Variants in ESCO2 observed in about 807,000 individuals in gnomAD.
ESCO2 encodes N-acetyltransferase ESCO2.
ESCO2 carries 51 observed loss-of-function variants against 61.7 expected under a neutral mutation model. The observed-to-expected ratio is 0.83, with a 90% CI of 0.66 to 1.04. The LOEUF is 1.04. Ranked by LOEUF, ESCO2 falls within the 50% of genes least tolerant of loss-of-function variation. The probability of loss-of-function intolerance (pLI) is 0.00; values close to 1 mark genes in which losing one functional copy is unlikely to be tolerated. For missense variants in ESCO2, 692 were observed against 686.2 expected, an observed-to-expected ratio of 1.01 and a Z score of -0.09; for synonymous variants, 230 against 238.2, an observed-to-expected ratio of 0.97 and a Z score of 0.32.
chr8:27,797,537 CATATT>C (rs1432006872), intron 9 of ESCO2, among the ~76,000 whole-genome samples: 3 of 151,494 alleles, frequency 2.0e-5, no homozygotes, highest in Non-Finnish European at 4.4e-5. Flanking sequence ...GATTGGCAAA[CATATT>C]CTATTTACAC....
downstream of ESCO2, among the ~76,000 whole-genome samples, chr8:27,806,982 A>G (rs1186364410): frequency 6.6e-6 from 1 of 150,854 alleles, no homozygotes; most frequent in Non-Finnish European, 1.5e-5. Context: ...TATATAAACT[A>G]CAAGTTTTCT....
At chr8:27,788,819 G>C in intron 6 of ESCO2, 28 bp from the exon 7 acceptor site, 1 of 1,613,638 alleles carries the variant, frequency 6.2e-7, no homozygotes, top group Non-Finnish European at 8.5e-7. Flanking sequence ...TATTTAAATG[G>C]GTTTCTTTTT....
intron 4 of ESCO2, among the ~76,000 whole-genome samples, chr8:27,782,888 C>T (rs553004387): frequency 5.9e-5 from 9 of 152,110 alleles, no homozygotes; most frequent in African/African-American, 1.9e-4. Context: ...CCTTCAGTGT[C>T]GTTATGCTAT....
At chr8:27,801,119 G>A (rs1007187575) in intron 10 of ESCO2, among the ~76,000 whole-genome samples, 1 of 152,158 alleles carries the variant, frequency 6.6e-6, no homozygotes. Context: ...AAAAAAATGA[G>A]TGTCCAGTTT....
chr8:27,808,595 G>A (rs1259225296), downstream of ESCO2, among the ~76,000 whole-genome samples: 1 of 149,660 alleles, frequency 6.7e-6, no homozygotes, highest in Middle Eastern at 3.5e-3. Flanking sequence ...AGAGGTGCAA[G>A]GATCACTTGT....
At chr8:27,777,499 C>T (rs769697469) in intron 3 of ESCO2, 19 of 204,904 alleles carry the variant, frequency 9.3e-5, no homozygotes, top group Non-Finnish European at 1.6e-4. Flanking sequence ...GGGGTTTCAC[C>T]ATGTTGCCCA....
downstream of ESCO2, among the ~76,000 whole-genome samples, chr8:27,816,817 A>C (rs28414599): frequency 0.16 from 23,899 of 151,982 alleles, 2,386 homozygotes; most frequent in East Asian, 0.37. Context: ...ATCTCACTGG[A>C]TATATTTATG....
chr8:27,793,645 C>A (rs1805230676), intron 9 of ESCO2, among the ~76,000 whole-genome samples: 1 of 152,016 alleles, frequency 6.6e-6, no homozygotes, highest in South Asian at 2.1e-4. Context: ...TGCCACCATG[C>A]CTGGCTAATT....
chr8:27,804,698 G>T lies in ESCO2; in HGVS notation c.*1260G>T, dbSNP rs1229638937. 1 of 985,166 alleles carries T rather than the reference G, an allele frequency of 1.0e-6. No individual in the cohort carries two copies. Among genetic ancestry groups the T allele is most frequent in the African/African-American group, 1.7e-5 (1 of 57,186 alleles). 61.0% of individuals were successfully genotyped at this position (985,166 alleles called of 1,614,324 possible). On this transcript the variant is annotated 3_prime_UTR_variant, in exon 11 of 11. Coordinates refer to ENST00000305188, the MANE Select transcript of ESCO2 (RefSeq NM_001017420.3). ...CTATTCATCTGCATTCATTTTATTT[G>T]CCTGTAAGTTAACATGTTTCCAAAA...
chr8:27,778,673 A>G (rs927570386), intron 3 of ESCO2: 1 of 152,184 alleles, frequency 6.6e-6, no homozygotes, highest in Non-Finnish European at 1.5e-5. Context: ...GGTGTACCAA[A>G]TGAATGGTGA....
At position 27,776,412 on chromosome 8, in the gene ESCO2, G is replaced by C. The variant is rs1237749115; in HGVS notation, c.104G>C (p.Cys35Ser). 6.2e-7 allele frequency: 1 copy of C among 1,607,940 alleles called. No homozygotes were observed. Residue 35 changes from cysteine (C) to serine (S), a missense_variant, in exon 3 of 11, where the codon TGT (cysteine) becomes TCT (serine). Transcript: ENST00000305188. ...NLFPSPNKKH[C>S]FYQNSDKNEE... is the part of the protein sequence containing the mutation. Reference sequence around the variant, plus strand: ...TTTCCATCACCTAATAAAAAGCACTGTTTTTATCAAAACAGTGATAAAAAT... The same window carrying C: ...TTTCCATCACCTAATAAAAAGCACTCTTTTTATCAAAACAGTGATAAAAAT...
intron 4 of ESCO2, among the ~76,000 whole-genome samples, chr8:27,782,968 T>C (rs1439733169): frequency 6.6e-6 from 1 of 151,990 alleles, no homozygotes; most frequent in African/African-American, 2.4e-5. Flanking sequence ...AGTAGCCTGG[T>C]TGATATTTAT....
downstream of ESCO2, among the ~76,000 whole-genome samples, chr8:27,806,616 CTTTCT>C (rs1473955910): frequency 1.4e-5 from 2 of 145,612 alleles, no homozygotes; most frequent in Admixed American, 6.8e-5. Flanking sequence ...GTATTGGATA[CTTTCT>C]TTTTTTTTTT....
downstream of ESCO2, among the ~76,000 whole-genome samples, chr8:27,816,995 C>T (rs1315022865): frequency 1.3e-5 from 2 of 152,028 alleles, no homozygotes; most frequent in African/African-American, 2.4e-5. Context: ...TTTCCCAGTA[C>T]ATAAATGTTA....
At position 27,803,564 on chromosome 8, in the gene ESCO2, ACACG is replaced by A. The variant is rs978805676; in HGVS notation, c.*130_*133del. The A allele has an allele frequency of 4.8e-5, 70 of 1,456,394 alleles. No homozygotes were observed. Among genetic ancestry groups the A allele is most frequent in the South Asian group, 2.1e-4 (15 of 69,782 alleles). 90.2% of individuals were successfully genotyped at this position (1,456,394 alleles called of 1,614,324 possible). Reference sequence around the variant, plus strand: ...CTCACACTCATACACACACACACACACACGCACACACACATATCACAGTTTTGTT... The same window carrying A: ...CTCACACTCATACACACACACACACACACACACACATATCACAGTTTTGTT... On this transcript the variant is annotated 3_prime_UTR_variant, in exon 11 of 11. Transcript: ENST00000305188.
chr8:27,805,733 C>T (rs973706638), downstream of ESCO2, among the ~76,000 whole-genome samples: 1 of 152,156 alleles, frequency 6.6e-6, no homozygotes, highest in Non-Finnish European at 1.5e-5. Flanking sequence ...GCCTGAGCTC[C>T]CTAAGTAGCT....
chr8:27,803,422 A>G lies in ESCO2; in HGVS notation c.1790A>G (p.Tyr597Cys), dbSNP rs1447870872. The part of the protein sequence containing the change: ...KYCNTPNFLV[Y>C]NFNS ...TGCAACACCCCTAATTTCCTCGTAT[A>G]TAATTTTAATAGTTAAAGCTGATTT... Residue 597 changes from tyrosine (Y) to cysteine (C), a missense_variant, in exon 11 of 11, where the codon TAT becomes TGT. By Grantham distance (194) the Tyr-to-Cys change is radical. Coordinates refer to ENST00000305188, the MANE Select transcript of ESCO2 (RefSeq NM_001017420.3). 3.7e-6 allele frequency: 6 copies of G among 1,613,432 alleles called. No individual in the cohort carries two copies. The highest frequency in any genetic ancestry group is 5.1e-6 in the Non-Finnish European group (6 of 1,179,398).
chr8:27,808,172 T>G, downstream of ESCO2: 1 of 1,114,374 alleles, frequency 9.0e-7, no homozygotes, highest in Non-Finnish European at 1.2e-6. Flanking sequence ...AAATCCTTTC[T>G]AATTTTTATT....
intron 10 of ESCO2, among the ~76,000 whole-genome samples, chr8:27,800,831 A>T (rs375467767): frequency 8.5e-5 from 13 of 152,200 alleles, no homozygotes; most frequent in Admixed American, 2.6e-4. Flanking sequence ...AATTGAAATA[A>T]ATCAGTTGCA....
Sources: allele counts gnomAD v4.1 joint callset (sites outside exome capture counted in the v4.1 genomes callset), GRCh38; gene constraint gnomAD v4.1.1; transcripts MANE v1.5; gene names NCBI Gene and HGNC (gene_info 2026-07-23, HGNC 2026-07-21).